The following FAP variants were observed in gnomAD, a reference collection of about 807,000 sequenced individuals.
FAP encodes the protein fibroblast activation protein alpha, also known as prolyl endopeptidase FAP.
In FAP, 110 loss-of-function variants were observed where a neutral mutation model predicts 126.5. The observed-to-expected ratio is 0.87, with a 90% confidence interval of 0.74 to 1.02. FAP has a LOEUF of 1.02. FAP is among the 50% of genes least tolerant of loss of function. The probability of loss-of-function intolerance (pLI) is 0.00; values close to 1 mark genes in which losing one functional copy is unlikely to be tolerated. For missense variants in FAP, 919 were observed against 909.2 expected (o/e 1.01, Z -0.14); for synonymous variants, 334 against 297.3 (o/e 1.12, Z -1.27).
chr2:162,188,398 T>C, intron 19 of FAP, 35 bp from the exon 20 acceptor site: 1 of 1,585,168 alleles, frequency 6.3e-7, no homozygotes, highest in Non-Finnish European at 8.6e-7. Flanking sequence ...GAATCTTTGA[T>C]TGCTTTGTAA....
rs551499682 is a variant in FAP at position 162,185,333 on chromosome 2, A to C, written c.1815-1865T>G. 4.6e-5 allele frequency among the ~76,000 whole-genome samples: 7 copies of C among 152,306 alleles called. No homozygotes were observed. The South Asian group carries it at 1.4e-3, about 32-fold the overall frequency. On this transcript the variant is annotated intron_variant, in intron 20 of 25. Coordinates refer to ENST00000188790, the MANE Select transcript of FAP (RefSeq NM_004460.5). ...CATGCCATCTATAAAAGCATGATAG[A>C]AAATTTCATCTCATGTAATTCTTCC...
At chr2:162,180,942 C>A (rs893118202) in intron 21 of FAP, among the ~76,000 whole-genome samples, 1 of 152,018 alleles carries the variant, frequency 6.6e-6, no homozygotes, top group Admixed American at 6.6e-5. Flanking sequence ...TAATGAGGGT[C>A]AAGGCGAGAT....
At chr2:162,189,074 G>A in intron 19 of FAP, 29 bp downstream of exon 19, 1 of 1,430,622 alleles carries the variant, frequency 7.0e-7, no homozygotes, top group Non-Finnish European at 9.7e-7. Context: ...TCAGTAAATA[G>A]TTTTTACACC....
intron 2 of FAP, among the ~76,000 whole-genome samples, chr2:162,236,354 A>G (rs1197368627): frequency 6.6e-6 from 1 of 152,146 alleles, no homozygotes; most frequent in African/African-American, 2.4e-5. Flanking sequence ...CATTTTTTGA[A>G]AACGTTTGTG....
At chr2:162,183,369 A>G (rs1163465584) in intron 21 of FAP, 45 bp downstream of exon 21, 16 of 1,369,626 alleles carry the variant, frequency 1.2e-5, no homozygotes, top group Admixed American at 1.8e-5. Context: ...GAAAATGATG[A>G]TTGCTGAACT....
chr2:162,237,714 C>A (rs1441617935), intron 2 of FAP, among the ~76,000 whole-genome samples: 3 of 152,154 alleles, frequency 2.0e-5, no homozygotes, highest in Non-Finnish European at 2.9e-5. Context: ...TGGGGATATA[C>A]CCAGTAATGG....
intron 2 of FAP, among the ~76,000 whole-genome samples, chr2:162,234,520 C>T (rs559632105): frequency 6.6e-6 from 1 of 152,212 alleles, no homozygotes; most frequent in South Asian, 2.1e-4. Flanking sequence ...TGTTATCTGT[C>T]AGTAGAAAGA....
intron 6 of FAP, among the ~76,000 whole-genome samples, chr2:162,222,671 T>G (rs1689459928): frequency 6.6e-6 from 1 of 152,176 alleles, no homozygotes; most frequent in African/African-American, 2.4e-5. Flanking sequence ...CCAGGGTGAT[T>G]TTTCTAAAGT....
chr2:162,201,326 T>C (rs575703894), intron 14 of FAP, among the ~76,000 whole-genome samples: 3 of 152,310 alleles, frequency 2.0e-5, no homozygotes, highest in African/African-American at 7.2e-5. Flanking sequence ...GTTCTCACTA[T>C]GTCCCAGGTA....
chr2:162,180,720 C>T (rs186964818), intron 21 of FAP, among the ~76,000 whole-genome samples: 2 of 152,108 alleles, frequency 1.3e-5, no homozygotes, highest in Non-Finnish European at 1.5e-5. Context: ...TGTGGAGAAG[C>T]CTTAATGAAG....
At chr2:162,178,700 G>A (rs1037034810) in intron 21 of FAP, among the ~76,000 whole-genome samples, 9 of 151,706 alleles carry the variant, frequency 5.9e-5, no homozygotes, top group Non-Finnish European at 1.2e-4. Flanking sequence ...TCTTGAACTC[G>A]ATAATGGAGA....
chr2:162,183,657 A>T (rs1219759812), intron 20 of FAP, 189 bp from the exon 21 acceptor site: 3 of 537,598 alleles, frequency 5.6e-6, no homozygotes, highest in Non-Finnish European at 1.0e-5. Context: ...AAGAGATAAA[A>T]GGATTCCCTT....
chr2:162,185,266 C>T (rs1281851343), intron 20 of FAP, among the ~76,000 whole-genome samples: 9 of 152,296 alleles, frequency 5.9e-5, no homozygotes, highest in Non-Finnish European at 1.5e-5. Context: ...AACTTGGAAT[C>T]ATAGCGATCA....
At chr2:162,187,860 T>A (rs542922072) in intron 20 of FAP, among the ~76,000 whole-genome samples, 2 of 152,188 alleles carry the variant, frequency 1.3e-5, no homozygotes, top group Admixed American at 1.3e-4. Flanking sequence ...TCATTAGAGT[T>A]CAAAGTTTTT....
rs62188189 is a variant in FAP at position 162,239,154 on chromosome 2, C to T, written c.91+3754G>A. On this transcript the variant is annotated intron_variant, in intron 2 of 25. Coordinates refer to ENST00000188790, the MANE Select transcript of FAP (RefSeq NM_004460.5). The stretch of plus-strand genomic sequence containing the variant: ...CAAACACTTTTCTGATATTCAGCCT[C>T]CTAAATAGCTGGGACGAAAGGTGCA... 3.5e-3 allele frequency among the ~76,000 whole-genome samples: 532 copies of T among 152,242 alleles called. 2 individuals are homozygous for T. Among genetic ancestry groups the T allele is most frequent in the Non-Finnish European group, 6.4e-3 (436 of 68,020 alleles).
intron 2 of FAP, among the ~76,000 whole-genome samples, chr2:162,241,406 C>G (rs1233315351): frequency 2.0e-5 from 3 of 152,104 alleles, no homozygotes; most frequent in Non-Finnish European, 2.9e-5. Flanking sequence ...ATGTGTATCT[C>G]TATACATCAT....
At chr2:162,174,844 A>G in intron 22 of FAP, 23 bp downstream of exon 22, 3 of 1,517,046 alleles carry the variant, frequency 2.0e-6, no homozygotes, top group Non-Finnish European at 2.7e-6. Context: ...CTTTCACAGT[A>G]ACATTAATGA....
intron 12 of FAP, among the ~76,000 whole-genome samples, chr2:162,204,520 G>A (rs1051044210): frequency 6.6e-6 from 1 of 152,198 alleles, no homozygotes; most frequent in African/African-American, 2.4e-5. Flanking sequence ...GACACTGAGA[G>A]ATACAGGGAA....
rs1461903231 is a variant in FAP at position 162,183,419 on chromosome 2, C to T, written c.1864G>A (p.Gly622Ser). ...FIDEKRIAIW[G>S]WSYGGYVSSL... ...AAAAATATAAAACAACTCACCCAGC[C>T]CCATATGGCTATTCTTTTTTCATCA... Residue 622 changes from glycine to serine, a missense_variant, in exon 21 of 26, where the codon GGC becomes AGC. Gly to Ser is a moderately conservative substitution (Grantham distance 56). Coordinates refer to ENST00000188790, the MANE Select transcript of FAP (RefSeq NM_004460.5). 5 of 1,608,778 alleles carry T rather than the reference C, an allele frequency of 3.1e-6. No homozygotes were observed. Among genetic ancestry groups the T allele is most frequent in the Non-Finnish European group, 4.2e-6 (5 of 1,176,784 alleles).
Sources: gnomAD v4.1 joint callset for allele counts (sites outside exome capture counted in the v4.1 genomes callset) on GRCh38, gnomAD v4.1.1 for gene constraint, MANE v1.5 for transcripts, NCBI Gene and HGNC (gene_info 2026-07-23, HGNC 2026-07-21) for gene names.